Variants in PTCHD4 observed in about 807,000 individuals in gnomAD.
PTCHD4 encodes the protein patched domain containing 4, also known as patched domain-containing protein 4.
In PTCHD4, 33 loss-of-function variants were observed where a neutral mutation model predicts 58.1. The observed-to-expected ratio is 0.57, with a 90% CI of 0.43 to 0.76. PTCHD4 has a LOEUF of 0.76. Ranked by LOEUF, PTCHD4 falls within the 30% of genes least tolerant of loss-of-function variation. The pLI is 0.00. For synonymous variants in PTCHD4, 478 were observed against 409.6 expected, an observed-to-expected ratio of 1.17 and a Z score of -2.02; for missense variants, 1,058 against 1,027.1, an observed-to-expected ratio of 1.03 and a Z score of -0.41.
intron 3 of PTCHD4, among the ~76,000 whole-genome samples, chr6:48,049,056 A>G (rs907380451): frequency 2.0e-5 from 3 of 151,970 alleles, no homozygotes; most frequent in African/African-American, 7.2e-5. Context: ...GTGGGCAGAG[A>G]AATCTGTGAG....
At chr6:48,065,320 A>G (rs1428665946) in intron 3 of PTCHD4, among the ~76,000 whole-genome samples, 1 of 152,192 alleles carries the variant, frequency 6.6e-6, no homozygotes, top group Non-Finnish European at 1.5e-5. Flanking sequence ...CTGCCTTCCA[A>G]TAGCATTTTC....
In PTCHD4 at chr6:48,008,794, G is replaced by T. The variant is rs771859748; in HGVS notation, c.738C>A (p.Thr246=). ...VSLVLILTTA[T]LSSSMKDCLR... ...AGCAGTCCTTCATGGAGCTGGAGAG[G>T]GTGGCTGTGGTCAGGATCAGCACGA... Residue 246 remains threonine (T), a synonymous_variant, in exon 4 of 5, where the codon ACC becomes ACA. Transcript: ENST00000339488. 6.2e-7 allele frequency: 1 copy of T among 1,614,002 alleles called. No homozygotes were observed. Among genetic ancestry groups the T allele is most frequent in the South Asian group, 1.1e-5 (1 of 91,080 alleles).
intron 4 of PTCHD4, among the ~76,000 whole-genome samples, chr6:47,985,458 T>A (rs1768029539): frequency 6.6e-6 from 1 of 152,074 alleles, no homozygotes; most frequent in Admixed American, 6.5e-5. Flanking sequence ...TGAAAGTCAT[T>A]TATATAGACT....
intron 4 of PTCHD4, among the ~76,000 whole-genome samples, chr6:47,912,585 C>T (rs1158727254): frequency 2.0e-5 from 3 of 152,202 alleles, no homozygotes; most frequent in South Asian, 4.1e-4. Context: ...TATTACCTTC[C>T]TTCATACCTT....
At chr6:48,103,996 G>A (rs1417619974) in intron 1 of PTCHD4, among the ~76,000 whole-genome samples, 3 of 151,832 alleles carry the variant, frequency 2.0e-5, no homozygotes, top group Non-Finnish European at 4.4e-5. Flanking sequence ...GAAAGTGACA[G>A]GGAGAATGGA....
chr6:47,911,714 G>A (rs1576279), intron 4 of PTCHD4, among the ~76,000 whole-genome samples: 83,785 of 151,376 alleles, frequency 0.55, 24,819 homozygotes, highest in East Asian at 0.78. Flanking sequence ...TGAGATGACC[G>A]GTAGAGTAGA....
intron 4 of PTCHD4, among the ~76,000 whole-genome samples, chr6:47,988,225 T>G (rs1768148624): frequency 6.6e-6 from 1 of 152,220 alleles, no homozygotes; most frequent in African/African-American, 2.4e-5. Flanking sequence ...TGTGACTAGA[T>G]TTGAAATGTT....
chr6:47,882,741 G>GATATATATAT (rs1554149146), intron 4 of PTCHD4, among the ~76,000 whole-genome samples: 2 of 102,374 alleles, frequency 2.0e-5, no homozygotes, highest in African/African-American at 6.3e-5. Context: ...TGATTCCAGT[G>GATATATATAT]ATATATATAT....
At chr6:48,073,522 C>A (rs1196053053) in intron 1 of PTCHD4, among the ~76,000 whole-genome samples, 2 of 152,200 alleles carry the variant, frequency 1.3e-5, no homozygotes, top group African/African-American at 4.8e-5. Flanking sequence ...CCAATTCTAA[C>A]CATTCTAACA....
At chr6:47,967,989 G>T (rs1269735332) in intron 4 of PTCHD4, among the ~76,000 whole-genome samples, 1 of 152,092 alleles carries the variant, frequency 6.6e-6, no homozygotes, top group Admixed American at 6.6e-5. Flanking sequence ...TCTCCTCTAA[G>T]AACTTTTCCT....
chr6:47,919,071 G>A (rs1036633231), intron 4 of PTCHD4, among the ~76,000 whole-genome samples: 1 of 152,092 alleles, frequency 6.6e-6, no homozygotes, highest in African/African-American at 2.4e-5. Context: ...AACAGCCCTG[G>A]ACTGCTTAAA....
At chr6:47,991,801 C>G (rs1408550794) in intron 4 of PTCHD4, among the ~76,000 whole-genome samples, 3 of 151,636 alleles carry the variant, frequency 2.0e-5, no homozygotes, top group Non-Finnish European at 4.4e-5. Flanking sequence ...ATAACAATCA[C>G]AAAATCAAAA....
Position 47,879,802 on chromosome 6 carries a change from A to G in PTCHD4, c.1033T>C (p.Phe345Leu), listed in dbSNP as rs1312491305. ...VTYTMTSSLY[F>L]ITFGMGASPF... ...CTGGCACCCATGCCAAAAGTGATGA[A>G]GTACAGGGAGCTGGTCATGGTATAG... The change falls in exon 5 of 5, where the codon TTC becomes CTC. Residue 345 changes from phenylalanine to leucine, a missense_variant. By Grantham distance (22) the Phe-to-Leu change is conservative. Transcript: ENST00000339488. 2 of 1,613,560 alleles carry G rather than the reference A, an allele frequency of 1.2e-6. No homozygotes were observed. Among genetic ancestry groups the G allele is most frequent in the African/African-American group, 1.3e-5 (1 of 74,896 alleles).
intron 4 of PTCHD4, among the ~76,000 whole-genome samples, chr6:47,920,763 G>A (rs1173785569): frequency 1.3e-5 from 2 of 152,120 alleles, no homozygotes; most frequent in African/African-American, 4.8e-5. Context: ...TAAAGAATTA[G>A]CTTATGGATA....
chr6:48,058,516 T>C (rs1175111609), intron 3 of PTCHD4, among the ~76,000 whole-genome samples: 1 of 152,128 alleles, frequency 6.6e-6, no homozygotes, highest in Non-Finnish European at 1.5e-5. Flanking sequence ...AAATAGCAGA[T>C]GCTTGGCTTG....
chr6:48,033,566 T>C (rs1763525843), intron 3 of PTCHD4, among the ~76,000 whole-genome samples: 1 of 151,810 alleles, frequency 6.6e-6, no homozygotes, highest in Non-Finnish European at 1.5e-5. Context: ...AGGCCATATG[T>C]ATGGCCTTTT....
At chr6:47,946,044 T>G (rs191479709) in intron 4 of PTCHD4, among the ~76,000 whole-genome samples, 2 of 152,046 alleles carry the variant, frequency 1.3e-5, no homozygotes, top group Non-Finnish European at 2.9e-5. Flanking sequence ...TATTCATTTC[T>G]AACAATAGCA....
At chr6:48,010,630 G>A (rs963205886) in intron 3 of PTCHD4, among the ~76,000 whole-genome samples, 2 of 151,898 alleles carry the variant, frequency 1.3e-5, no homozygotes, top group African/African-American at 4.8e-5. Flanking sequence ...TTAAGTTCTG[G>A]GGTACATGTG....
intron 4 of PTCHD4, among the ~76,000 whole-genome samples, chr6:47,949,920 T>G (rs1379616156): frequency 6.6e-6 from 1 of 152,040 alleles, no homozygotes; most frequent in African/African-American, 2.4e-5. Flanking sequence ...AGGGTATATG[T>G]GCACAGTGTG....
Sources: allele counts gnomAD v4.1 joint callset (sites outside exome capture counted in the v4.1 genomes callset), GRCh38; gene constraint gnomAD v4.1.1; transcripts MANE v1.5; gene names NCBI Gene and HGNC (gene_info 2026-07-23, HGNC 2026-07-21).